The following SLCO6A1 variants were observed in gnomAD, a reference collection of about 807,000 sequenced individuals.
The protein encoded by SLCO6A1 is cancer/testis antigen 48.
SLCO6A1 carries 65 observed loss-of-function variants against 72.7 expected under a neutral mutation model. That is an observed-to-expected ratio of 0.89 (90% CI 0.73 to 1.10). SLCO6A1 has a LOEUF of 1.10. Among genes scored for constraint, SLCO6A1 ranks in the 50% least tolerant of loss-of-function variants. The pLI is 0.00. For missense variants in SLCO6A1, 874 were observed against 872.6 expected (o/e 1.00, Z -0.02); for synonymous variants, 314 against 298.2 (o/e 1.05, Z -0.55).
At chr5:102,374,991 G>A (rs1004337421) in intron 12 of SLCO6A1, among the ~76,000 whole-genome samples, 2 of 152,094 alleles carry the variant, frequency 1.3e-5, no homozygotes, top group South Asian at 4.1e-4. Flanking sequence ...TTAAGTGGAG[G>A]TGATCCGACT....
chr5:102,421,686 G>A (rs1032673069), intron 7 of SLCO6A1, among the ~76,000 whole-genome samples: 4 of 152,262 alleles, frequency 2.6e-5, no homozygotes, highest in African/African-American at 9.6e-5. Flanking sequence ...GGGTGGCTGC[G>A]GGTGCAGCTT....
At chr5:102,423,430 T>C (rs1037996188) in intron 7 of SLCO6A1, among the ~76,000 whole-genome samples, 2 of 152,016 alleles carry the variant, frequency 1.3e-5, no homozygotes, top group African/African-American at 2.4e-5. Context: ...TAGAGGAATA[T>C]TTACCAAGCA....
intron 9 of SLCO6A1, among the ~76,000 whole-genome samples, chr5:102,408,615 A>T (rs1435578352): frequency 2.0e-5 from 3 of 152,152 alleles, no homozygotes; most frequent in Non-Finnish European, 4.4e-5. Context: ...AGCGGGAATC[A>T]CTGCCAATCT....
At chr5:102,468,932 C>T (rs1314900989) in intron 4 of SLCO6A1, among the ~76,000 whole-genome samples, 3 of 152,096 alleles carry the variant, frequency 2.0e-5, no homozygotes, top group Non-Finnish European at 4.4e-5. Flanking sequence ...TTCCCCGTTG[C>T]TTGTTTTTGT....
At position 102,411,985 on chromosome 5, in the gene SLCO6A1, T is replaced by C. The variant is rs1004020083; in HGVS notation, c.1626+1005A>G. 9.9e-5 allele frequency among the ~76,000 whole-genome samples: 15 copies of C among 152,274 alleles called. No homozygotes were observed. The South Asian group carries it at 3.1e-3, about 32-fold the overall frequency. On this transcript the variant is annotated intron_variant, in intron 9 of 13. Transcript: ENST00000506729. ...ATTTGTCATCTGTTGTCTCTTAGGGTAGCCACTATGAGACTTCAAAAGAAC... is the reference window on the plus strand; with the variant it reads ...ATTTGTCATCTGTTGTCTCTTAGGGCAGCCACTATGAGACTTCAAAAGAAC...
chr5:102,385,124 G>A (rs757492812), intron 12 of SLCO6A1, among the ~76,000 whole-genome samples: 3 of 152,094 alleles, frequency 2.0e-5, no homozygotes, highest in Non-Finnish European at 2.9e-5. Context: ...CTTTCAGCAC[G>A]TTAAATATAT....
chr5:102,433,200 T>G (rs1749315249), intron 7 of SLCO6A1, among the ~76,000 whole-genome samples: 1 of 152,196 alleles, frequency 6.6e-6, no homozygotes. Context: ...TTCCTTAGAA[T>G]GAGTTTCAAC....
chr5:102,491,970 G>C (rs949675742), intron 1 of SLCO6A1, among the ~76,000 whole-genome samples: 3 of 152,260 alleles, frequency 2.0e-5, no homozygotes, highest in Non-Finnish European at 4.4e-5. Flanking sequence ...GCCTCAGGAA[G>C]CTTACAATCA....
chr5:102,452,212 GA>G (rs1439677370), intron 6 of SLCO6A1, among the ~76,000 whole-genome samples: 3 of 152,126 alleles, frequency 2.0e-5, no homozygotes, highest in African/African-American at 4.8e-5. Context: ...GTGAGATGAA[GA>G]AAAAGGATAA....
rs1194538676 is a variant in SLCO6A1 at position 102,498,809 on chromosome 5, C to T, written c.36G>A (p.Gln12=). 6.2e-7 allele frequency: 1 copy of T among 1,613,200 alleles called. No individual in the cohort carries two copies. Among genetic ancestry groups the T allele is most frequent in the East Asian group, 2.2e-5 (1 of 44,854 alleles). Reference sequence around the variant, plus strand: ...GCTCTACTCCCCTTGAGACTTCATCCTGGCTCCCAGAGTGCCGGGCGACGC... The same window carrying T: ...GCTCTACTCCCCTTGAGACTTCATCTTGGCTCCCAGAGTGCCGGGCGACGC... ...FVGVARHSGS[Q]DEVSRGVEPL... Residue 12 remains glutamine (Q), a synonymous_variant, in exon 1 of 14, where the codon CAG becomes CAA. Transcript: ENST00000506729.
chr5:102,414,455 TTGA>T (rs1452500066), intron 8 of SLCO6A1, among the ~76,000 whole-genome samples: 1 of 152,174 alleles, frequency 6.6e-6, no homozygotes, highest in Non-Finnish European at 1.5e-5. Flanking sequence ...TCCCTGATCA[TTGA>T]TGATACAATC....
intron 4 of SLCO6A1, among the ~76,000 whole-genome samples, chr5:102,467,846 C>A (rs1340433278): frequency 6.6e-6 from 1 of 151,936 alleles, no homozygotes; most frequent in Non-Finnish European, 1.5e-5. Context: ...CTGCTCTGAT[C>A]TTTGTTATTT....
intron 6 of SLCO6A1, among the ~76,000 whole-genome samples, chr5:102,441,507 T>C (rs1749830616): frequency 6.6e-6 from 1 of 152,198 alleles, no homozygotes; most frequent in South Asian, 2.1e-4. Context: ...ATAGGTCCAG[T>C]GCTCTTTGTT....
intron 6 of SLCO6A1, among the ~76,000 whole-genome samples, chr5:102,449,965 G>T (rs988880052): frequency 1.3e-5 from 2 of 152,118 alleles, no homozygotes; most frequent in African/African-American, 4.8e-5. Context: ...CTTGTAGTGC[G>T]TTTTTCAGCT....
At chr5:102,417,828 C>T (rs756960893) in intron 8 of SLCO6A1, among the ~76,000 whole-genome samples, 70 of 151,846 alleles carry the variant, frequency 4.6e-4, no homozygotes, top group Non-Finnish European at 9.0e-4. Flanking sequence ...CCTGTCTCTA[C>T]TAAAAATACA....
At chr5:102,462,022 G>C (rs547861829) in intron 4 of SLCO6A1, among the ~76,000 whole-genome samples, 86 of 152,238 alleles carry the variant, frequency 5.6e-4, no homozygotes, top group Non-Finnish European at 1.1e-3. Flanking sequence ...AATGAATTCA[G>C]TAAAGTTTCA....
chr5:102,448,532 G>A (rs563459494), intron 6 of SLCO6A1, among the ~76,000 whole-genome samples: 26 of 152,168 alleles, frequency 1.7e-4, no homozygotes, highest in Admixed American at 3.3e-4. Flanking sequence ...CTAAGAACTT[G>A]TTTTATGAGT....
chr5:102,428,891 C>T (rs572409196), intron 7 of SLCO6A1, among the ~76,000 whole-genome samples: 1 of 152,232 alleles, frequency 6.6e-6, no homozygotes, highest in East Asian at 1.9e-4. Context: ...TCCACAATGG[C>T]TGAACTAATT....
Position 102,379,142 on chromosome 5 carries a change from C to T in SLCO6A1, c.2018-5648G>A, listed in dbSNP as rs115992039. On this transcript the variant is annotated intron_variant, in intron 12 of 13. Coordinates refer to ENST00000506729, the MANE Select transcript of SLCO6A1 (RefSeq NM_173488.5). The stretch of plus-strand genomic sequence containing the variant: ...TGAAGAATTTTTTCAAGTCTTTTAT[C>T]CACTTTTTTGTAAGGTTATCCTTTA... 8.3e-3 allele frequency among the ~76,000 whole-genome samples: 1,262 copies of T among 152,124 alleles called. 12 individuals are homozygous for T. Among genetic ancestry groups the T allele is most frequent in the Non-Finnish European group, 0.015 (1,028 of 67,982 alleles).
Sources: allele counts gnomAD v4.1 joint callset (sites outside exome capture counted in the v4.1 genomes callset), GRCh38; gene constraint gnomAD v4.1.1; transcripts MANE v1.5; gene names NCBI Gene and HGNC (gene_info 2026-07-23, HGNC 2026-07-21).